The following TG variants were observed in gnomAD, a reference collection of about 807,000 sequenced individuals.
The protein encoded by TG is thyroid hormones.
In TG, 270 loss-of-function variants were observed where a neutral mutation model predicts 324.7. The observed-to-expected ratio is 0.83, with a 90% confidence interval of 0.75 to 0.92. The LOEUF (loss-of-function observed/expected upper bound fraction) is 0.92. Ranked by LOEUF, TG falls within the 40% of genes least tolerant of loss-of-function variation. The pLI is 0.00. For synonymous variants in TG, 1,401 were observed against 1,327.0 expected, an observed-to-expected ratio of 1.06 and a Z score of -1.21; for missense variants, 3,591 against 3,456.4, an observed-to-expected ratio of 1.04 and a Z score of -0.98.
At chr8:132,970,842 T>C (rs1320386354) in intron 32 of TG, among the ~76,000 whole-genome samples, 2 of 152,090 alleles carry the variant, frequency 1.3e-5, no homozygotes, top group East Asian at 3.9e-4. Context: ...AAGGAAGCAG[T>C]AAGTGGACAG....
intron 41 of TG, among the ~76,000 whole-genome samples, chr8:133,074,253 G>A (rs944189539): frequency 5.3e-5 from 8 of 151,616 alleles, no homozygotes; most frequent in South Asian, 2.1e-4. Flanking sequence ...AATTATCTTC[G>A]GCATCTTCTT....
intron 41 of TG, among the ~76,000 whole-genome samples, chr8:133,043,795 T>C (rs1480216673): frequency 2.0e-5 from 3 of 152,232 alleles, no homozygotes; most frequent in Non-Finnish European, 4.4e-5. Context: ...AGAGCCCATA[T>C]GCAAGAGAAT....
At chr8:132,947,397 T>C (rs1825472352) in intron 26 of TG, among the ~76,000 whole-genome samples, 1 of 152,216 alleles carries the variant, frequency 6.6e-6, no homozygotes. Flanking sequence ...TGAGATGACC[T>C]GGAAGGCCAC....
intron 41 of TG, among the ~76,000 whole-genome samples, chr8:133,076,400 C>G (rs1420353253): frequency 2.0e-5 from 3 of 152,220 alleles, no homozygotes; most frequent in Non-Finnish European, 2.9e-5. Flanking sequence ...CTAAATTTAG[C>G]AGGCAGGCAC....
intron 40 of TG, among the ~76,000 whole-genome samples, chr8:133,022,393 CTT>C: frequency 6.6e-6 from 1 of 152,260 alleles, no homozygotes; most frequent in African/African-American, 2.4e-5. Flanking sequence ...CATTACAGGT[CTT>C]ATCTTGTGAT....
intron 41 of TG, among the ~76,000 whole-genome samples, chr8:133,079,943 G>A (rs1845494173): frequency 6.6e-6 from 1 of 151,570 alleles, no homozygotes; most frequent in Non-Finnish European, 1.5e-5. Context: ...CCCCCTCTAT[G>A]GCTAGATGAG....
intron 41 of TG, among the ~76,000 whole-genome samples, chr8:133,067,643 G>A (rs1843213939): frequency 2.0e-5 from 3 of 152,088 alleles, no homozygotes; most frequent in Admixed American, 2.0e-4. Context: ...GGGTGTGGTG[G>A]CAGCTTCCTG....
intron 21 of TG, among the ~76,000 whole-genome samples, chr8:132,920,983 G>A (rs1821026926): frequency 6.6e-6 from 1 of 152,216 alleles, no homozygotes; most frequent in South Asian, 2.1e-4. Context: ...GTGCCCACAT[G>A]ATTGGGTTCT....
In TG at chr8:132,908,223, C is replaced by T. The variant is rs750621312; in HGVS notation, c.3885C>T (p.His1295=). ...GGCAGACCATCCAGACCCAAGGGCA[C>T]TTTCAGCTCCAGCTCCCGCCGGGCA... ...QLWQTIQTQG[H]FQLQLPPGKM... The change falls in exon 18 of 48, where the codon CAC becomes CAT. Residue 1295 remains histidine, a synonymous_variant. Coordinates refer to ENST00000220616, the MANE Select transcript of TG (RefSeq NM_003235.5). 2 of 1,613,934 alleles carry T rather than the reference C, an allele frequency of 1.2e-6. No individual in the cohort carries two copies. The highest frequency in any genetic ancestry group is 2.7e-5 in the African/African-American group (2 of 74,924).
chr8:132,966,367 C>T (rs755064800), intron 29 of TG, among the ~76,000 whole-genome samples, 193 bp from the exon 30 acceptor site: 1 of 152,152 alleles, frequency 6.6e-6, no homozygotes, highest in Admixed American at 6.6e-5. Flanking sequence ...CTGTCTGACC[C>T]AACTCCCAGC....
intron 34 of TG, among the ~76,000 whole-genome samples, chr8:132,978,250 G>A (rs1293143410): frequency 2.6e-5 from 4 of 152,180 alleles, no homozygotes; most frequent in Non-Finnish European, 4.4e-5. Flanking sequence ...AAGAGAGGAG[G>A]TGCCAGTCTC....
At position 132,943,013 on chromosome 8, in the gene TG, C is replaced by T. The variant is rs1488244342; in HGVS notation, c.5233+1471C>T. Among the ~76,000 whole-genome samples, 3 of 152,184 alleles carry T rather than the reference C, an allele frequency of 2.0e-5. No homozygotes were observed. The East Asian group carries it at 5.8e-4, about 29-fold the overall frequency. ...TCACCTCGAGGACTGTTGCTGCCTC[C>T]AGCATCTGCACAATATCCCCACCAG... is the stretch of plus-strand genomic sequence containing the variant. On this transcript the variant is annotated intron_variant, in intron 26 of 47. Transcript: ENST00000220616.
intron 10 of TG, among the ~76,000 whole-genome samples, 199 bp from the exon 11 acceptor site, chr8:132,893,488 TGTG>T (rs1416240742): frequency 9.8e-6 from 1 of 101,764 alleles, no homozygotes; most frequent in East Asian, 3.1e-4. Context: ...TGTGGTGTGG[TGTG>T]TGTGTGGTGT....
chr8:133,066,037 A>G (rs1347960776), intron 41 of TG, among the ~76,000 whole-genome samples: 1 of 152,104 alleles, frequency 6.6e-6, no homozygotes, highest in African/African-American at 2.4e-5. Context: ...ATCGCAAGGA[A>G]TGTTTTCTAG....
At chr8:133,133,392 G>A (rs140563085) in intron 46 of TG, 78 bp from the exon 47 acceptor site, 61 of 1,383,558 alleles carry the variant, frequency 4.4e-5, no homozygotes, top group East Asian at 3.4e-4. Context: ...GATACCGAGT[G>A]CAAGTGGGAA....
intron 35 of TG, chr8:132,983,855 C>T: frequency 3.7e-6 from 1 of 268,160 alleles, no homozygotes. Flanking sequence ...AGCACTGTGA[C>T]ATCTAATGAT....
intron 25 of TG, among the ~76,000 whole-genome samples, chr8:132,936,774 G>A (rs1823664949): frequency 6.6e-6 from 1 of 152,214 alleles, no homozygotes; most frequent in African/African-American, 2.4e-5. Flanking sequence ...AAACATGCCA[G>A]CAAGGCACGC....
intron 41 of TG, among the ~76,000 whole-genome samples, chr8:133,034,841 C>T (rs151331963): frequency 0.018 from 2,742 of 152,228 alleles, 37 homozygotes; most frequent in Middle Eastern, 0.041. Flanking sequence ...GGAAGGAGGA[C>T]CATACCTGCC....
At chr8:132,868,244 G>A (rs367745868) in intron 2 of TG, 21 bp downstream of exon 2, 16 of 1,607,250 alleles carry the variant, frequency 1.0e-5, no homozygotes, top group African/African-American at 5.4e-5. Context: ...TGTCAGCAGC[G>A]AACTCTCAAG....
Sources: gnomAD v4.1 joint callset for allele counts (sites outside exome capture counted in the v4.1 genomes callset) on GRCh38, gnomAD v4.1.1 for gene constraint, MANE v1.5 for transcripts, NCBI Gene and HGNC (gene_info 2026-07-23, HGNC 2026-07-21) for gene names.